The following VPS41 variants were observed in gnomAD, a reference collection of about 807,000 sequenced individuals.
The protein encoded by VPS41 is vacuolar protein sorting-associated protein 41 homolog.
VPS41 carries 85 observed loss-of-function variants against 130.9 expected under a neutral mutation model. The observed-to-expected ratio is 0.65, with a 90% CI of 0.55 to 0.78. VPS41 has a LOEUF of 0.78. Ranked by LOEUF, VPS41 falls within the 30% of genes least tolerant of loss-of-function variation. The pLI is 0.00. For synonymous variants in VPS41, 335 were observed against 332.9 expected (o/e 1.01, Z -0.07); for missense variants, 874 against 1,018.7 (o/e 0.86, Z 1.93).
chr7:38,821,346 A>G, intron 5 of VPS41, 81 bp from the exon 6 acceptor site: 1 of 903,332 alleles, frequency 1.1e-6, no homozygotes, highest in Non-Finnish European at 1.8e-6. Context: ...CATACTATCA[A>G]TAAGAAAAGT....
intron 3 of VPS41, among the ~76,000 whole-genome samples, chr7:38,867,498 T>C (rs1786254397): frequency 6.6e-6 from 1 of 151,580 alleles, no homozygotes; most frequent in African/African-American, 2.4e-5. Context: ...TGAGCCCAGA[T>C]TGCGCCATTG....
chr7:38,819,963 C>T (rs187729545), intron 6 of VPS41, among the ~76,000 whole-genome samples: 120 of 152,284 alleles, frequency 7.9e-4, no homozygotes, highest in South Asian at 2.1e-4. Context: ...ACCTCCGTAA[C>T]GTCCCCACCT....
chr7:38,747,623 G>A (rs1796012547), intron 22 of VPS41, among the ~76,000 whole-genome samples: 1 of 152,168 alleles, frequency 6.6e-6, no homozygotes, highest in Non-Finnish European at 1.5e-5. Context: ...CCACAAAAGA[G>A]TTTGCAGTTT....
intron 23 of VPS41, 135 bp downstream of exon 23, chr7:38,745,423 AT>A: frequency 1.4e-6 from 1 of 710,230 alleles, no homozygotes; most frequent in Non-Finnish European, 2.5e-6. Flanking sequence ...TGTTTCATAT[AT>A]TAAATTATTG....
chr7:38,864,099 A>G (rs1382399065), intron 3 of VPS41, among the ~76,000 whole-genome samples: 1 of 152,206 alleles, frequency 6.6e-6, no homozygotes, highest in Non-Finnish European at 1.5e-5. Context: ...TGGGTCTTAA[A>G]AGCTCACTGC....
chr7:38,814,389 C>T (rs6462869), intron 7 of VPS41, among the ~76,000 whole-genome samples: 90,777 of 152,026 alleles, frequency 0.6, 27,815 homozygotes, highest in East Asian at 0.89. Flanking sequence ...TGGTGGCTCA[C>T]GCCTGTAAGC....
chr7:38,728,954 G>A (rs1795603945), intron 25 of VPS41, among the ~76,000 whole-genome samples, 163 bp from the exon 26 acceptor site: 1 of 152,068 alleles, frequency 6.6e-6, no homozygotes, highest in African/African-American at 2.4e-5. Context: ...CCAAACCACT[G>A]CCAGGCTGAC....
chr7:38,793,652 G>A (rs572719797), intron 9 of VPS41, among the ~76,000 whole-genome samples: 1 of 152,124 alleles, frequency 6.6e-6, no homozygotes, highest in Non-Finnish European at 1.5e-5. Context: ...CAGGCTACAA[G>A]TCTGAAATTG....
chr7:38,754,454 AC>A (rs1783748578), intron 21 of VPS41, among the ~76,000 whole-genome samples: 1 of 152,186 alleles, frequency 6.6e-6, no homozygotes, highest in Non-Finnish European at 1.5e-5. Context: ...TAGATTGGTA[AC>A]TTTTTTCCAT....
chr7:38,821,497 T>A (rs1314351362), intron 5 of VPS41, among the ~76,000 whole-genome samples: 1 of 151,570 alleles, frequency 6.6e-6, no homozygotes, highest in Non-Finnish European at 1.5e-5. Context: ...TCACCTAAGG[T>A]CAGGAGTTGA....
At chr7:38,803,712 ATGAG>A (rs1294942275) in intron 7 of VPS41, among the ~76,000 whole-genome samples, 1 of 152,232 alleles carries the variant, frequency 6.6e-6, no homozygotes, top group African/African-American at 2.4e-5. Context: ...TGAGAAAAAT[ATGAG>A]TGAGTGTGGA....
intron 28 of VPS41, 37 bp from the exon 29 acceptor site, chr7:38,726,363 G>T: frequency 6.6e-7 from 1 of 1,524,926 alleles, no homozygotes; most frequent in Non-Finnish European, 9.1e-7. Context: ...TTTAAAAAAT[G>T]ATCTTCTTTT....
At chr7:38,778,444 T>C (rs975297436) in intron 10 of VPS41, among the ~76,000 whole-genome samples, 1 of 152,158 alleles carries the variant, frequency 6.6e-6, no homozygotes, top group East Asian at 1.9e-4. Context: ...AGCCGGAATG[T>C]ACAGATGATA....
At chr7:38,860,033 T>C (rs1786071554) in intron 4 of VPS41, among the ~76,000 whole-genome samples, 1 of 152,236 alleles carries the variant, frequency 6.6e-6, no homozygotes, top group Non-Finnish European at 1.5e-5. Flanking sequence ...CTCTAGCAGT[T>C]GTCATTCTTC....
chr7:38,789,592 G>GA (rs1195202751), intron 10 of VPS41, among the ~76,000 whole-genome samples: 1 of 152,124 alleles, frequency 6.6e-6, no homozygotes, highest in Non-Finnish European at 1.5e-5. Context: ...CGATGTGGAG[G>GA]AACTGAAGGA....
At chr7:38,852,184 A>C (rs551280490) in intron 4 of VPS41, among the ~76,000 whole-genome samples, 1 of 152,274 alleles carries the variant, frequency 6.6e-6, no homozygotes, top group Admixed American at 6.5e-5. Context: ...GAGCAGGATG[A>C]ATTAAGAAGC....
rs1425226412 is a variant in VPS41 at position 38,898,103 on chromosome 7, T to A, written c.48A>T (p.Thr16=). 6.2e-7 allele frequency: 1 copy of A among 1,613,824 alleles called. No homozygotes were observed. The highest frequency in any genetic ancestry group is 1.7e-5 in the Admixed American group (1 of 60,018). ...GTCACCACCTTACCTCAGACTCATC[T>A]GTAGATTCTTCAAGGGACCCAGTTT... ...EQETGSLEES[T]DESEEEESEE... The change falls in exon 2 of 29, where the codon ACA becomes ACT. Residue 16 remains threonine (T), a synonymous_variant. Transcript: ENST00000310301.
intron 19 of VPS41, among the ~76,000 whole-genome samples, chr7:38,755,529 A>G (rs1783773552): frequency 6.6e-6 from 1 of 152,204 alleles, no homozygotes; most frequent in South Asian, 2.1e-4. Flanking sequence ...GTCAAGAGGA[A>G]GAGGGAAAGC....
At chr7:38,859,651 T>C (rs1181239950) in intron 4 of VPS41, among the ~76,000 whole-genome samples, 1 of 152,190 alleles carries the variant, frequency 6.6e-6, no homozygotes, top group Non-Finnish European at 1.5e-5. Context: ...TACAGTAGGC[T>C]GTACCACCTA....
Sources: gnomAD v4.1 joint callset for allele counts (sites outside exome capture counted in the v4.1 genomes callset) on GRCh38, gnomAD v4.1.1 for gene constraint, MANE v1.5 for transcripts, NCBI Gene and HGNC (gene_info 2026-07-23, HGNC 2026-07-21) for gene names.